Variants in KALRN observed in about 807,000 individuals in gnomAD.
The protein encoded by KALRN is kalirin RhoGEF kinase.
A neutral mutation model predicts 353.7 loss-of-function variants in KALRN; 70 were observed. That is an observed-to-expected ratio of 0.20 (90% CI 0.16 to 0.24). The LOEUF is 0.24. Among genes scored for constraint, KALRN ranks in the 10% least tolerant of loss-of-function variants. The pLI, the probability that KALRN is intolerant of heterozygous loss-of-function variation, is 1.00. For missense variants in KALRN, 2,791 were observed against 3,756.7 expected, an observed-to-expected ratio of 0.74 and a Z score of 6.72; for synonymous variants, 1,391 against 1,434.8, an observed-to-expected ratio of 0.97 and a Z score of 0.69.
intron 6 of KALRN, among the ~76,000 whole-genome samples, chr3:124,300,728 G>A: frequency 6.6e-6 from 1 of 152,214 alleles, no homozygotes; most frequent in East Asian, 1.9e-4. Context: ...TGAACATCAT[G>A]AGACTTGCAT....
intron 1 of KALRN, among the ~76,000 whole-genome samples, chr3:124,182,963 G>A (rs1264402463): frequency 6.6e-6 from 1 of 152,206 alleles, no homozygotes; most frequent in Admixed American, 6.5e-5. Context: ...TTGAGTATTT[G>A]TATATTATAT....
At chr3:124,579,159 C>G (rs6765865) in intron 34 of KALRN, among the ~76,000 whole-genome samples, 41,856 of 152,072 alleles carry the variant, frequency 0.28, 6,235 homozygotes, top group Middle Eastern at 0.38. Context: ...GGTCATGGTC[C>G]AGTGTTACTG....
intron 5 of KALRN, among the ~76,000 whole-genome samples, chr3:124,294,520 CTTTTTTT>C (rs397990993): frequency 1.4e-5 from 1 of 73,894 alleles, no homozygotes; most frequent in African/African-American, 5.1e-5. Context: ...AGATTCTCTT[CTTTTTTT>C]TTTTTTTTTT....
At chr3:124,593,193 G>C (rs376412806) in intron 34 of KALRN, among the ~76,000 whole-genome samples, 2 of 152,190 alleles carry the variant, frequency 1.3e-5, no homozygotes, top group Admixed American at 6.5e-5. Flanking sequence ...CATTCAAAGG[G>C]GAAACCAAGC....
chr3:124,555,647 T>C (rs1335753783), intron 33 of KALRN, among the ~76,000 whole-genome samples: 1 of 152,116 alleles, frequency 6.6e-6, no homozygotes, highest in Non-Finnish European at 1.5e-5. Context: ...ATCTGTAAGA[T>C]ACTAATAGGA....
At chr3:124,366,216 A>AT (rs2084673927) in intron 10 of KALRN, among the ~76,000 whole-genome samples, 2 of 148,248 alleles carry the variant, frequency 1.3e-5, no homozygotes, top group African/African-American at 5.0e-5. Flanking sequence ...TTTTTAATTT[A>AT]TTTTTTTATT....
intron 33 of KALRN, among the ~76,000 whole-genome samples, chr3:124,550,944 G>A (rs765616971): frequency 2.0e-5 from 3 of 152,074 alleles, no homozygotes; most frequent in Non-Finnish European, 2.9e-5. Context: ...AGCCGAGATC[G>A]CACCACTGCA....
chr3:124,579,025 G>A (rs963405971), intron 34 of KALRN, among the ~76,000 whole-genome samples: 5 of 152,140 alleles, frequency 3.3e-5, no homozygotes, highest in African/African-American at 1.2e-4. Context: ...TCTATCCTGA[G>A]CTTTAAGAAA....
At chr3:124,507,221 C>T (rs186827541) in intron 33 of KALRN, among the ~76,000 whole-genome samples, 114 of 152,238 alleles carry the variant, frequency 7.5e-4, no homozygotes, top group Admixed American at 2.6e-3. Flanking sequence ...CATCCTGCCA[C>T]CCCCAAAATG....
intron 1 of KALRN, among the ~76,000 whole-genome samples, chr3:124,105,239 T>G (rs144015792): frequency 5.8e-4 from 89 of 152,206 alleles, no homozygotes; most frequent in Non-Finnish European, 1.1e-3. Flanking sequence ...GAGTGGCAAC[T>G]GTTACACTAA....
intron 10 of KALRN, among the ~76,000 whole-genome samples, chr3:124,355,280 T>C (rs2083261393): frequency 6.6e-6 from 1 of 152,198 alleles, no homozygotes; most frequent in Non-Finnish European, 1.5e-5. Flanking sequence ...TAAAATATAA[T>C]ATCTAAACCA....
At chr3:124,189,012 C>G (rs2074574791) in intron 1 of KALRN, among the ~76,000 whole-genome samples, 1 of 152,164 alleles carries the variant, frequency 6.6e-6, no homozygotes, top group African/African-American at 2.4e-5. Flanking sequence ...GAGGCATTAT[C>G]TTTCTTATAC....
At chr3:124,453,763 T>C (rs1357155109) in intron 21 of KALRN, among the ~76,000 whole-genome samples, 1 of 152,240 alleles carries the variant, frequency 6.6e-6, no homozygotes, top group Non-Finnish European at 1.5e-5. Context: ...AGTCTGCTTG[T>C]TGGGTGTCTC....
chr3:124,276,017 C>T (rs1580368909), intron 5 of KALRN, among the ~76,000 whole-genome samples: 2 of 152,332 alleles, frequency 1.3e-5, no homozygotes, highest in Middle Eastern at 3.4e-3. Context: ...GAGAGGTGAG[C>T]ACCTGTCCCC....
At chr3:124,674,729 T>A in intron 49 of KALRN, 115 bp downstream of exon 49, 1 of 1,138,618 alleles carries the variant, frequency 8.8e-7, no homozygotes, top group Non-Finnish European at 1.2e-6. Context: ...CTGCTTATTC[T>A]CAACAGTACC....
chr3:124,036,140 G>A lies in KALRN; in HGVS notation c.73+2327G>A, dbSNP rs77489786. On this transcript the variant is annotated intron_variant, in intron 1 of 59. Transcript: ENST00000682506. ...ATAAACTGTGTGTCACAGGGGTTTC[G>A]TATACAGATTATTTCATCACCTTGG... 5.3e-3 allele frequency among the ~76,000 whole-genome samples: 809 copies of A among 152,190 alleles called. 9 individuals are homozygous for A. Among genetic ancestry groups the A allele is most frequent in the East Asian group, 0.028 (143 of 5,180 alleles).
At chr3:124,267,493 G>A (rs2073700807) in intron 4 of KALRN, among the ~76,000 whole-genome samples, 1 of 152,228 alleles carries the variant, frequency 6.6e-6, no homozygotes. Context: ...AGAATCATCT[G>A]AGGGACTCTT....
intron 2 of KALRN, among the ~76,000 whole-genome samples, chr3:124,229,884 A>G (rs918089756): frequency 6.6e-6 from 1 of 152,244 alleles, no homozygotes; most frequent in Non-Finnish European, 1.5e-5. Flanking sequence ...AGGGGCTAGT[A>G]TATCTTATAA....
At chr3:124,046,074 A>G (rs536010121) in intron 1 of KALRN, among the ~76,000 whole-genome samples, 10 of 152,348 alleles carry the variant, frequency 6.6e-5, no homozygotes, top group African/African-American at 2.4e-4. Context: ...TGAAATCTTA[A>G]TGAGCTGTAA....
Sources: gnomAD v4.1 joint callset for allele counts (sites outside exome capture counted in the v4.1 genomes callset) on GRCh38, gnomAD v4.1.1 for gene constraint, MANE v1.5 for transcripts, NCBI Gene and HGNC (gene_info 2026-07-23, HGNC 2026-07-21) for gene names.